Variants in MAN2A1 observed in about 807,000 individuals in gnomAD.
MAN2A1 encodes the protein alpha-mannosidase 2.
A neutral mutation model predicts 142.6 loss-of-function variants in MAN2A1; 76 were observed. The observed-to-expected ratio is 0.53, with a 90% confidence interval of 0.44 to 0.65. The LOEUF (loss-of-function observed/expected upper bound fraction) is 0.65. MAN2A1 is among the 30% of genes least tolerant of loss of function. The pLI is 0.00. For synonymous variants in MAN2A1, 559 were observed against 473.2 expected (o/e 1.18, Z -2.35); for missense variants, 1,311 against 1,365.1 (o/e 0.96, Z 0.62).
chr5:109,813,184 A>G (rs531503837), intron 12 of MAN2A1, among the ~76,000 whole-genome samples: 1 of 152,304 alleles, frequency 6.6e-6, no homozygotes, highest in Admixed American at 6.5e-5. Flanking sequence ...TTTCACAAAT[A>G]TAATATACTT....
chr5:109,704,637 C>G (rs1396618947), intron 1 of MAN2A1, among the ~76,000 whole-genome samples: 5 of 152,092 alleles, frequency 3.3e-5, no homozygotes. Flanking sequence ...AGCCCAAAAG[C>G]CTTCCTGTTA....
intron 12 of MAN2A1, among the ~76,000 whole-genome samples, chr5:109,795,006 T>G (rs923346435): frequency 6.6e-6 from 1 of 152,182 alleles, no homozygotes; most frequent in Non-Finnish European, 1.5e-5. Flanking sequence ...TGGAATATGT[T>G]ATATTATGTA....
intron 16 of MAN2A1, 28 bp downstream of exon 16, chr5:109,823,865 A>T: frequency 8.7e-7 from 1 of 1,145,744 alleles, no homozygotes; most frequent in Non-Finnish European, 1.2e-6. Flanking sequence ...CAGTTATGAA[A>T]CATATGTATT....
At chr5:109,719,957 A>T (rs965868159) in intron 3 of MAN2A1, among the ~76,000 whole-genome samples, 4 of 152,180 alleles carry the variant, frequency 2.6e-5, no homozygotes, top group African/African-American at 9.6e-5. Flanking sequence ...ATAACTTTGT[A>T]CTGTTATGCT....
chr5:109,797,719 A>G (rs1582907059), intron 12 of MAN2A1, among the ~76,000 whole-genome samples: 1 of 152,154 alleles, frequency 6.6e-6, no homozygotes, highest in East Asian at 1.9e-4. Context: ...GGGTAATAAA[A>G]ATGAAAAAAG....
intron 14 of MAN2A1, 122 bp downstream of exon 14, chr5:109,820,009 A>G: frequency 1.2e-6 from 1 of 843,538 alleles, no homozygotes; most frequent in Non-Finnish European, 1.8e-6. Flanking sequence ...ACTCTTGAGT[A>G]AAAGGAAGCA....
intron 6 of MAN2A1, among the ~76,000 whole-genome samples, 179 bp from the exon 7 acceptor site, chr5:109,770,176 T>G (rs1350621847): frequency 2.0e-5 from 3 of 152,194 alleles, no homozygotes; most frequent in Admixed American, 6.5e-5. Flanking sequence ...TGTGAGTATC[T>G]TCCTTCAGAC....
At chr5:109,692,456 A>G (rs1750697886) in intron 1 of MAN2A1, among the ~76,000 whole-genome samples, 1 of 152,160 alleles carries the variant, frequency 6.6e-6, no homozygotes, top group African/African-American at 2.4e-5. Flanking sequence ...TAGACATTCT[A>G]AGACCCCTCT....
chr5:109,819,744 C>T lies in MAN2A1; in HGVS notation c.2185C>T (p.His729Tyr), dbSNP rs1226972214. The T allele has an allele frequency of 1.9e-6, 3 of 1,611,760 alleles. No individual in the cohort carries two copies. Among genetic ancestry groups the T allele is most frequent in the Admixed American group, 1.7e-5 (1 of 59,798 alleles). Residue 729 changes from histidine to tyrosine, a missense_variant, in exon 14 of 22, where the codon CAT (histidine) becomes TAT (tyrosine). His to Tyr is a moderately conservative substitution (Grantham distance 83, BLOSUM62 2). Coordinates refer to ENST00000261483, the MANE Select transcript of MAN2A1 (RefSeq NM_002372.4). ...TTTGGAATCAGCAAGTTCAAATTCACATTTAGCTGATTATGTCTTGTATAA... is the reference window on the plus strand; with the variant it reads ...TTTGGAATCAGCAAGTTCAAATTCATATTTAGCTGATTATGTCTTGTATAA... ...KILESASSNSHLADYVLYKNK... is the reference protein window; with the variant it reads ...KILESASSNSYLADYVLYKNK...
chr5:109,754,739 C>A (rs1171542118), intron 4 of MAN2A1, among the ~76,000 whole-genome samples: 1 of 152,208 alleles, frequency 6.6e-6, no homozygotes, highest in African/African-American at 2.4e-5. Context: ...TGGTGGCTCA[C>A]GCCTGTAATC....
At chr5:109,784,974 TGGG>T in intron 10 of MAN2A1, 48 bp downstream of exon 10, 3 of 1,361,244 alleles carry the variant, frequency 2.2e-6, no homozygotes, top group Non-Finnish European at 3.0e-6. Flanking sequence ...ATTAAAATTA[TGGG>T]TAATAAGATT....
At chr5:109,816,204 A>C (rs1754453176) in intron 12 of MAN2A1, among the ~76,000 whole-genome samples, 1 of 152,208 alleles carries the variant, frequency 6.6e-6, no homozygotes, top group East Asian at 1.9e-4. Flanking sequence ...TTTTAGGAAA[A>C]ATAAAGTCCT....
intron 12 of MAN2A1, among the ~76,000 whole-genome samples, chr5:109,801,358 C>T (rs145869921): frequency 1.4e-3 from 207 of 152,302 alleles, no homozygotes; most frequent in African/African-American, 4.7e-3. Context: ...ACTGGGGACT[C>T]AGTAACTTTG....
intron 16 of MAN2A1, among the ~76,000 whole-genome samples, chr5:109,832,462 C>T (rs937718205): frequency 1.7e-4 from 26 of 152,068 alleles, no homozygotes; most frequent in South Asian, 1.5e-3. Flanking sequence ...GTGGACACAG[C>T]ACATGTTTCA....
intron 18 of MAN2A1, among the ~76,000 whole-genome samples, chr5:109,847,390 C>G (rs1755369236): frequency 1.3e-5 from 2 of 152,228 alleles, no homozygotes; most frequent in South Asian, 4.1e-4. Flanking sequence ...TTGATCTGTC[C>G]TGTCTCACTT....
At chr5:109,806,812 G>A (rs1182006583) in intron 12 of MAN2A1, among the ~76,000 whole-genome samples, 1 of 152,146 alleles carries the variant, frequency 6.6e-6, no homozygotes, top group African/African-American at 2.4e-5. Flanking sequence ...CATGCAGCAT[G>A]CTTGTTTACC....
chr5:109,751,705 C>T (rs10491357), intron 4 of MAN2A1, among the ~76,000 whole-genome samples: 18,479 of 152,016 alleles, frequency 0.12, 1,372 homozygotes, highest in African/African-American at 0.22. Context: ...TAATGGCTTA[C>T]ACCAACTGGA....
chr5:109,755,337 A>G lies in MAN2A1; in HGVS notation c.716A>G (p.Glu239Gly), dbSNP rs756520993. The G allele has an allele frequency of 1.9e-6, 3 of 1,611,458 alleles. No homozygotes were observed. The highest frequency in any genetic ancestry group is 1.7e-5 in the Admixed American group (1 of 59,962). ...QKKDAVKSLI[E>G]NGQLEIVTGG... ...TGTTATTTTCTCTCTAGTTTAATAG[A>G]AAATGGTCAGCTTGAAATTGTGACA... The change falls in exon 5 of 22, where the codon GAA becomes GGA. Residue 239 changes from glutamate (E) to glycine (G), a missense_variant. Physicochemically the swap from Glu to Gly is moderately conservative, Grantham distance 98. Around this residue, in one of 3 missense-constraint regions of MAN2A1, gnomAD observed 409 missense variants for 412.7 expected, o/e 0.99. Transcript: ENST00000261483.
intron 8 of MAN2A1, among the ~76,000 whole-genome samples, chr5:109,776,059 C>T (rs1444427068): frequency 8.4e-6 from 1 of 118,942 alleles, no homozygotes; most frequent in African/African-American, 3.7e-5. Flanking sequence ...GGACAACAGG[C>T]TTTTAAAGTC....
Sources: gnomAD v4.1 joint callset for allele counts (sites outside exome capture counted in the v4.1 genomes callset) on GRCh38, gnomAD v4.1.1 for gene constraint, gnomAD v4.1.1 regional missense constraint, MANE v1.5 for transcripts, NCBI Gene and HGNC (gene_info 2026-07-23, HGNC 2026-07-21) for gene names.